The following PIK3C2G variants were observed in gnomAD, a reference collection of about 807,000 sequenced individuals.
The protein encoded by PIK3C2G is phosphatidylinositol 3-kinase C2 domain-containing subunit gamma.
Under a neutral mutation model 181.1 loss-of-function variants are expected in PIK3C2G, and 168 were observed. That is an observed-to-expected ratio of 0.93 (90% CI 0.82 to 1.05). PIK3C2G has a LOEUF of 1.05. Ranked by LOEUF, PIK3C2G falls within the 50% of genes least tolerant of loss-of-function variation. The pLI is 0.00. For synonymous variants in PIK3C2G, 573 were observed against 592.2 expected (o/e 0.97, Z 0.47); for missense variants, 1,869 against 1,732.8 (o/e 1.08, Z -1.40).
chr12:18,301,566 TTTA>T (rs1339140146), intron 5 of PIK3C2G, among the ~76,000 whole-genome samples: 2 of 152,064 alleles, frequency 1.3e-5, no homozygotes, highest in East Asian at 3.9e-4. Context: ...TTGTTCCTTT[TTTA>T]TTATTTTTGT....
At chr12:18,255,291 AAT>A (rs1421181339) in intron 1 of PIK3C2G, among the ~76,000 whole-genome samples, 5 of 152,050 alleles carry the variant, frequency 3.3e-5, no homozygotes, top group Admixed American at 6.5e-5. Context: ...GAAAAAAAGA[AAT>A]AGTTTGAGTC....
chr12:18,446,252 C>T (rs948042179), intron 18 of PIK3C2G, among the ~76,000 whole-genome samples: 1 of 152,130 alleles, frequency 6.6e-6, no homozygotes, highest in Non-Finnish European at 1.5e-5. Context: ...ACCCACTCCA[C>T]CATTTCCCTG....
chr12:18,576,960 A>C (rs1946260961), intron 29 of PIK3C2G, among the ~76,000 whole-genome samples: 1 of 152,180 alleles, frequency 6.6e-6, no homozygotes, highest in Admixed American at 6.5e-5. Context: ...GATTATAATA[A>C]AGCAGTTTGG....
At chr12:18,357,566 A>G (rs1030839069) in intron 11 of PIK3C2G, among the ~76,000 whole-genome samples, 3 of 152,246 alleles carry the variant, frequency 2.0e-5, no homozygotes, top group African/African-American at 7.2e-5. Flanking sequence ...AGTTTATACA[A>G]AAATCTAGTG....
chr12:18,717,922 A>T, the PIK3C2G span, among the ~76,000 whole-genome samples: 1 of 152,270 alleles, frequency 6.6e-6, no homozygotes, highest in Non-Finnish European at 1.5e-5. Context: ...CCAAGCTAGC[A>T]ATATGCTGTA....
chr12:18,619,975 C>T (rs757204982), intron 31 of PIK3C2G, among the ~76,000 whole-genome samples: 5 of 152,080 alleles, frequency 3.3e-5, no homozygotes, highest in Non-Finnish European at 7.4e-5. Flanking sequence ...CCGCCCACCA[C>T]GGCCTCCCAA....
intron 26 of PIK3C2G, among the ~76,000 whole-genome samples, chr12:18,548,739 A>G (rs888856500): frequency 5.9e-5 from 9 of 152,038 alleles, no homozygotes; most frequent in African/African-American, 2.2e-4. Context: ...TTTGGAATAA[A>G]GAACTTGTTC....
At chr12:18,314,096 C>A in intron 6 of PIK3C2G, 32 bp downstream of exon 6, 2 of 1,115,648 alleles carry the variant, frequency 1.8e-6, no homozygotes, top group East Asian at 5.1e-5. Flanking sequence ...TTTCAATTGG[C>A]AAACTGACAG....
intron 20 of PIK3C2G, 128 bp downstream of exon 20, chr12:18,491,686 T>G: frequency 1.8e-6 from 1 of 566,720 alleles, no homozygotes; most frequent in Non-Finnish European, 3.2e-6. Context: ...AAAAAGTAAC[T>G]GAATCCATTT....
intron 24 of PIK3C2G, among the ~76,000 whole-genome samples, chr12:18,505,868 A>T (rs1592436882): frequency 6.6e-6 from 1 of 152,212 alleles, no homozygotes; most frequent in South Asian, 2.1e-4. Context: ...CCCACACTGA[A>T]CTAGCCATAC....
the PIK3C2G span, among the ~76,000 whole-genome samples, chr12:18,709,717 A>T: frequency 6.6e-6 from 1 of 151,966 alleles, no homozygotes; most frequent in Non-Finnish European, 1.5e-5. Flanking sequence ...CCACACCCCA[A>T]GGGAAAAAAA....
chr12:18,480,387 T>C (rs906371414), intron 18 of PIK3C2G, among the ~76,000 whole-genome samples: 2 of 152,158 alleles, frequency 1.3e-5, no homozygotes, highest in Admixed American at 1.3e-4. Flanking sequence ...ACCCCATTAT[T>C]TGATAAATTT....
At chr12:18,313,449 T>G (rs1950723537) in intron 5 of PIK3C2G, among the ~76,000 whole-genome samples, 1 of 152,100 alleles carries the variant, frequency 6.6e-6, no homozygotes, top group Non-Finnish European at 1.5e-5. Context: ...TTAATTGGCC[T>G]TCCTAAGGTC....
At chr12:18,387,924 T>C (rs1943279220) in intron 14 of PIK3C2G, among the ~76,000 whole-genome samples, 1 of 152,238 alleles carries the variant, frequency 6.6e-6, no homozygotes, top group African/African-American at 2.4e-5. Flanking sequence ...TGTTTGGCTC[T>C]TCCTTTTATC....
chr12:18,568,878 C>T (rs78205114), intron 29 of PIK3C2G, among the ~76,000 whole-genome samples: 6,612 of 152,132 alleles, frequency 0.043, 325 homozygotes, highest in African/African-American at 0.12. Context: ...GTTCTTCTTA[C>T]TATTTTTTTT....
intron 31 of PIK3C2G, among the ~76,000 whole-genome samples, chr12:18,621,809 GAA>G (rs1454161469): frequency 6.6e-6 from 1 of 151,676 alleles, no homozygotes; most frequent in African/African-American, 2.4e-5. Context: ...GATGTGAAAT[GAA>G]GTACGAGACC....
intron 29 of PIK3C2G, among the ~76,000 whole-genome samples, chr12:18,585,309 A>T (rs1307261745): frequency 1.3e-5 from 2 of 152,168 alleles, no homozygotes; most frequent in Admixed American, 1.3e-4. Flanking sequence ...ACACACAGTG[A>T]CACAAATAGA....
intron 18 of PIK3C2G, among the ~76,000 whole-genome samples, chr12:18,454,854 T>C (rs766065312): frequency 2.0e-5 from 3 of 152,186 alleles, no homozygotes; most frequent in African/African-American, 7.2e-5. Context: ...CATCATCTAG[T>C]GCTGCATAAC....
chr12:18,566,153 G>T (rs546862356), intron 28 of PIK3C2G, among the ~76,000 whole-genome samples: 4 of 152,292 alleles, frequency 2.6e-5, no homozygotes, highest in African/African-American at 9.6e-5. Context: ...AATCAGTGGG[G>T]TGGCATGAAA....
Sources: gnomAD v4.1 joint callset for allele counts (sites outside exome capture counted in the v4.1 genomes callset) on GRCh38, gnomAD v4.1.1 for gene constraint, MANE v1.5 for transcripts, NCBI Gene and HGNC (gene_info 2026-07-23, HGNC 2026-07-21) for gene names.